Variants in WAC observed in about 807,000 individuals in gnomAD.
The protein encoded by WAC is WW domain containing adaptor with coiled-coil.
Under a neutral mutation model 79.6 loss-of-function variants are expected in WAC, and 11 were observed. The ratio of observed to expected loss-of-function variants is 0.14; its 90% CI spans 0.09 to 0.23. The LOEUF (loss-of-function observed/expected upper bound fraction) is 0.23, where lower values mean the gene tolerates loss of function less well. Among genes scored for constraint, WAC ranks in the 10% least tolerant of loss-of-function variants. The probability of loss-of-function intolerance (pLI) is 1.00; values close to 1 mark genes in which losing one functional copy is unlikely to be tolerated. For missense variants in WAC, 728 were observed against 773.5 expected (o/e 0.94, Z 0.70); for synonymous variants, 304 against 276.9 (o/e 1.10, Z -0.97).
chr10:28,589,663 C>A, intron 4 of WAC, 73 bp from the exon 5 acceptor site: 3 of 975,270 alleles, frequency 3.1e-6, no homozygotes, highest in Non-Finnish European at 3.1e-6. Flanking sequence ...TGTATGTGTG[C>A]TTTGATGTTG....
Position 28,534,010 on chromosome 10 carries a change from G to A in WAC, c.54G>A (p.Arg18=), listed in dbSNP as rs1836462676. ...QQRLSDGCHD[R]RGDSQPYQAL... Reference sequence around the variant, plus strand: ...TCCTGTTTTTCAGCTGTCACGACCGGAGGGGGGACTCGCAGCCTTACCAGG... The same window carrying A: ...TCCTGTTTTTCAGCTGTCACGACCGAAGGGGGGACTCGCAGCCTTACCAGG... Residue 18 remains arginine (R), a synonymous_variant, in exon 2 of 14, where the codon CGG becomes CGA. Transcript: ENST00000354911. 6.2e-7 allele frequency: 1 copy of A among 1,602,814 alleles called. No individual in the cohort carries two copies. The highest frequency in any genetic ancestry group is 1.1e-5 in the South Asian group (1 of 90,692).
intron 7 of WAC, among the ~76,000 whole-genome samples, chr10:28,604,387 T>C (rs946998782): frequency 2.0e-5 from 3 of 152,056 alleles, no homozygotes; most frequent in Admixed American, 2.0e-4. Context: ...AGCAAGTGTA[T>C]GTTGATGCCA....
At chr10:28,601,352 C>G (rs1840638401) in intron 7 of WAC, among the ~76,000 whole-genome samples, 1 of 151,922 alleles carries the variant, frequency 6.6e-6, no homozygotes, top group South Asian at 2.1e-4. Flanking sequence ...AATTCAAAAG[C>G]CATAATGAAA....
At chr10:28,591,654 G>A (rs1216227882) in intron 6 of WAC, 1 of 152,298 alleles carries the variant, frequency 6.6e-6, no homozygotes, top group African/African-American at 2.4e-5. Context: ...TTGAGGCCAA[G>A]AGTTTGAGAC....
At chr10:28,540,263 CAG>C (rs767618375) in intron 3 of WAC, among the ~76,000 whole-genome samples, 6 of 151,978 alleles carry the variant, frequency 3.9e-5, no homozygotes, top group Admixed American at 6.6e-5. Flanking sequence ...TAAAATTGAA[CAG>C]AGAGCAACAG....
chr10:28,578,084 G>A (rs1462252359), intron 3 of WAC, among the ~76,000 whole-genome samples: 1 of 152,170 alleles, frequency 6.6e-6, no homozygotes, highest in Non-Finnish European at 1.5e-5. Flanking sequence ...TCTTGAGCCC[G>A]GGAGGCAGAG....
chr10:28,611,918 C>CA lies in WAC; in HGVS notation c.1436dup (p.Val480GlyfsTer2). 1 of 1,612,258 alleles carries CA rather than the reference C, an allele frequency of 6.2e-7. No homozygotes were observed. Among genetic ancestry groups the CA allele is most frequent in the Non-Finnish European group, 8.5e-7 (1 of 1,179,614 alleles). ...AGTACTCCTCCTGTTTCATCACAGC[C>CA]AAAGGTATGTCACCTTTGAGGGACA... On this transcript the variant is annotated frameshift_variant, in exon 10 of 14. Coordinates refer to ENST00000354911, the MANE Select transcript of WAC (RefSeq NM_016628.5). LOFTEE classifies it high-confidence loss of function.
chr10:28,589,931 T>G, intron 5 of WAC, 80 bp downstream of exon 5: 1 of 1,086,924 alleles, frequency 9.2e-7, no homozygotes, highest in Admixed American at 2.0e-5. Flanking sequence ...TTAAACATTC[T>G]AATTTAGCTT....
At chr10:28,602,770 A>G (rs1174423077) in intron 7 of WAC, among the ~76,000 whole-genome samples, 2 of 152,194 alleles carry the variant, frequency 1.3e-5, no homozygotes, top group Non-Finnish European at 2.9e-5. Context: ...TGAAGTGATA[A>G]TATTTTAAAC....
chr10:28,565,585 T>C (rs983471175), intron 3 of WAC, among the ~76,000 whole-genome samples: 1 of 152,222 alleles, frequency 6.6e-6, no homozygotes, highest in African/African-American at 2.4e-5. Context: ...TCTTCACTTA[T>C]TGTCATCAAT....
intron 10 of WAC, among the ~76,000 whole-genome samples, chr10:28,613,076 G>A (rs1030380496): frequency 6.6e-6 from 1 of 152,078 alleles, no homozygotes; most frequent in Non-Finnish European, 1.5e-5. Context: ...TAGGCCCTGG[G>A]CAATATAGCA....
intron 10 of WAC, among the ~76,000 whole-genome samples, chr10:28,614,227 T>C (rs947981421): frequency 6.5e-4 from 99 of 152,028 alleles, no homozygotes; most frequent in African/African-American, 2.3e-3. Context: ...TGCCTCAGCC[T>C]CCCGAGTAGC....
intron 3 of WAC, among the ~76,000 whole-genome samples, chr10:28,581,100 A>G (rs952852081): frequency 1.3e-5 from 2 of 152,140 alleles, no homozygotes; most frequent in African/African-American, 4.8e-5. Context: ...TTTAGTGTGC[A>G]CGGCTTTTAC....
Position 28,608,131 on chromosome 10 carries a change from T to C in WAC, c.920-55T>C, listed in dbSNP as rs762830093. 1.5e-5 allele frequency: 24 copies of C among 1,600,088 alleles called. No individual in the cohort carries two copies. The East Asian group carries it at 1.6e-4, about 10-fold the overall frequency. On this transcript the variant is annotated intron_variant, in intron 7 of 13. Coordinates refer to ENST00000354911, the MANE Select transcript of WAC (RefSeq NM_016628.5). The stretch of plus-strand genomic sequence containing the variant: ...ACATGAGAGGTGTTCCTTTGATGTT[T>C]GTTCCAATTTTCTCTATTCAGGTAA...
intron 3 of WAC, among the ~76,000 whole-genome samples, chr10:28,551,291 T>G (rs184124787): frequency 5.6e-4 from 86 of 152,328 alleles, no homozygotes; most frequent in African/African-American, 2.0e-3. Flanking sequence ...ATTTTATTCC[T>G]AAACTGACTA....
chr10:28,542,591 G>A (rs1221861879), intron 3 of WAC, among the ~76,000 whole-genome samples: 1 of 152,212 alleles, frequency 6.6e-6, no homozygotes, highest in East Asian at 1.9e-4. Flanking sequence ...CATTGGAAGG[G>A]TTGCAGTTCA....
intron 3 of WAC, chr10:28,537,452 C>T (rs948018001): frequency 1.3e-5 from 2 of 152,192 alleles, no homozygotes; most frequent in Admixed American, 6.5e-5. Context: ...TATGGCACCT[C>T]ATCTTCTTAC....
chr10:28,593,731 A>G (rs370304801), intron 6 of WAC, among the ~76,000 whole-genome samples: 1 of 21,984 alleles, frequency 4.5e-5, no homozygotes, highest in Non-Finnish European at 7.6e-5. Context: ...AGACTCTCTC[A>G]AAAAAAAAAA....
At chr10:28,608,582 G>A in intron 8 of WAC, 151 bp downstream of exon 8, 1 of 822,978 alleles carries the variant, frequency 1.2e-6, no homozygotes, top group Non-Finnish European at 1.8e-6. Context: ...TTTGGAGTTT[G>A]GAAATTTATA....
Sources: gnomAD v4.1 joint callset for allele counts (sites outside exome capture counted in the v4.1 genomes callset) on GRCh38, gnomAD v4.1.1 for gene constraint, MANE v1.5 for transcripts, NCBI Gene and HGNC (gene_info 2026-07-23, HGNC 2026-07-21) for gene names.